Variants in SLC12A9 observed in about 807,000 individuals in gnomAD.
SLC12A9 encodes solute carrier family 12 member 9, also known as CCC-interacting protein 1.
Under a neutral mutation model 66.0 loss-of-function variants are expected in SLC12A9, and 55 were observed. The ratio of observed to expected loss-of-function variants is 0.83; its 90% CI spans 0.67 to 1.04. SLC12A9 has a LOEUF of 1.04. Ranked by LOEUF, SLC12A9 falls within the 50% of genes least tolerant of loss-of-function variation. The pLI, the probability that SLC12A9 is intolerant of heterozygous loss-of-function variation, is 0.00. For missense variants in SLC12A9, 1,061 were observed against 1,241.9 expected, an observed-to-expected ratio of 0.85 and a Z score of 2.19; for synonymous variants, 577 against 569.0, an observed-to-expected ratio of 1.01 and a Z score of -0.20.
intron 1 of SLC12A9, among the ~76,000 whole-genome samples, chr7:100,841,625 T>G (rs912735099): frequency 2.6e-5 from 4 of 152,122 alleles, no homozygotes; most frequent in Non-Finnish European, 5.9e-5. Flanking sequence ...AAAGAGTCTA[T>G]AAAATCTTAC....
rs567591395 is a variant in SLC12A9, at chr7:100,862,771, C to A, written c.1802C>A (p.Thr601Asn). ...RAQVKAFVDLTLSPSVRQGAQ... is the reference protein window; with the variant it reads ...RAQVKAFVDLNLSPSVRQGAQ... ...CAGGTGAAGGCTTTTGTGGATCTAA[C>A]CCTCTCACCCTCCGTGCGCCAGGGG... Residue 601 changes from threonine to asparagine, a missense_variant, in exon 13 of 14, where the codon ACC becomes AAC. Physicochemically the swap from Thr to Asn is moderately conservative, Grantham distance 65. Transcript: ENST00000354161. 14 of 1,614,078 alleles carry A rather than the reference C, an allele frequency of 8.7e-6. No homozygotes were observed. The highest frequency in any genetic ancestry group is 1.0e-5 in the Non-Finnish European group (12 of 1,180,042).
At chr7:100,849,166 A>T (rs1432498059), upstream of SLC12A9, among the ~76,000 whole-genome samples, 1 of 151,678 alleles carries the variant, frequency 6.6e-6, no homozygotes, top group East Asian at 2.0e-4. Flanking sequence ...ACCTCAAGTG[A>T]TCCTCCTGCT....
upstream of SLC12A9, among the ~76,000 whole-genome samples, chr7:100,848,859 C>G (rs1584686061): frequency 1.3e-5 from 2 of 151,690 alleles, no homozygotes; most frequent in East Asian, 1.9e-4. Context: ...GCACTCCAGC[C>G]TGGGTGACAG....
rs769207088 is a variant in SLC12A9, at chr7:100,861,719, C to T, written c.1537-18C>T. On this transcript the variant is annotated intron_variant, in intron 11 of 13. Transcript: ENST00000354161. The surrounding 1 kb of genome is among the most constrained non-coding windows in gnomAD (Gnocchi z 5.3). ...ATTTGATCCTGCCACTTCCCCACTG[C>T]CTCACCCCTATACCCAGGTGCGTAA... 35 of 1,613,966 alleles carry T rather than the reference C, an allele frequency of 2.2e-5. 1 individual carries two copies. In the South Asian group the frequency reaches 3.7e-4, roughly 17 times the overall value.
At chr7:100,832,837 A>G (rs764216028) in intron 1 of SLC12A9, among the ~76,000 whole-genome samples, 1 of 151,760 alleles carries the variant, frequency 6.6e-6, no homozygotes, top group Non-Finnish European at 1.5e-5. Flanking sequence ...GTGCAGTGGC[A>G]CGATCGAGGC....
Position 100,859,042 on chromosome 7 carries a change from C to A in SLC12A9, c.866-8C>A, listed in dbSNP as rs540146422. On this transcript the variant is annotated splice_region_variant and splice_polypyrimidine_tract_variant and intron_variant, in intron 6 of 13. Transcript: ENST00000354161. ...GCTGACCTCACTCCCTCTGCTCCCCCTCTCCAGGGGAGCTGAAGGACCCCA... is the reference window on the plus strand; with the variant it reads ...GCTGACCTCACTCCCTCTGCTCCCCATCTCCAGGGGAGCTGAAGGACCCCA... 7.4e-6 allele frequency: 12 copies of A among 1,612,272 alleles called. No individual in the cohort carries two copies. The East Asian group carries it at 1.1e-4, about 15-fold the overall frequency.
rs1815104632 is a variant in SLC12A9, at chr7:100,866,433, G to A, written c.2573G>A (p.Gly858Asp). The A allele has an allele frequency of 1.9e-6, 3 of 1,548,694 alleles. No individual in the cohort carries two copies. The highest frequency in any genetic ancestry group is 2.6e-6 in the Non-Finnish European group (3 of 1,146,232). ...GGAGGAGGGCCGGGTGGGCCGGAGG[G>A]TGGGGATGCTGAGGGCCCCATCACA... ...GTGGGPGGPE[G>D]GDAEGPITAL... The change falls in exon 14 of 14, where the codon GGT (glycine) becomes GAT (aspartate). Residue 858 changes from glycine to aspartate, a missense_variant. Transcript: ENST00000354161. The surrounding 1 kb of genome is among the most constrained non-coding windows in gnomAD (Gnocchi z 7.3).
intron 4 of SLC12A9, chr7:100,856,578 C>T (rs1814401046): frequency 2.7e-6 from 1 of 369,426 alleles, no homozygotes; most frequent in Non-Finnish European, 4.9e-6. Flanking sequence ...GCAGTGGTAC[C>T]ATCTCGGCTC....
chr7:100,834,829 C>G (rs572601922), intron 1 of SLC12A9, among the ~76,000 whole-genome samples: 6 of 152,264 alleles, frequency 3.9e-5, no homozygotes, highest in African/African-American at 1.4e-4. Flanking sequence ...GATTGCACCA[C>G]TGCATTCCAG....
chr7:100,847,292 G>A (rs1262174185), intron 1 of SLC12A9, among the ~76,000 whole-genome samples: 2 of 152,190 alleles, frequency 1.3e-5, no homozygotes, highest in African/African-American at 2.4e-5. Flanking sequence ...GAGCCACCGC[G>A]CCCAGCCGGG....
At chr7:100,836,724 T>C (rs1813667282) in intron 1 of SLC12A9, among the ~76,000 whole-genome samples, 1 of 152,054 alleles carries the variant, frequency 6.6e-6, no homozygotes, top group African/African-American at 2.4e-5. Context: ...CTCGCCTCTC[T>C]TCCCGAGAGT....
At chr7:100,848,674 C>G (rs972643915), upstream of SLC12A9, among the ~76,000 whole-genome samples, 4 of 151,914 alleles carry the variant, frequency 2.6e-5, no homozygotes, top group African/African-American at 4.8e-5. Context: ...ATCACGAGGT[C>G]AGGAGATCGA....
chr7:100,858,294 C>T (rs1814519983), intron 5 of SLC12A9: 1 of 152,386 alleles, frequency 6.6e-6, no homozygotes, highest in Non-Finnish European at 1.5e-5. Context: ...CACCTGTAAT[C>T]CCAGCTACCT....
At chr7:100,858,479 A>G (rs956093169) in intron 5 of SLC12A9, 3 of 194,278 alleles carry the variant, frequency 1.5e-5, no homozygotes, top group African/African-American at 2.3e-5. Context: ...AGTCCCAGCT[A>G]CTTGGCAGAC....
intron 1 of SLC12A9, among the ~76,000 whole-genome samples, chr7:100,831,769 C>T (rs1813548431): frequency 6.6e-6 from 1 of 152,184 alleles, no homozygotes; most frequent in South Asian, 2.1e-4. Flanking sequence ...CTTCTCATTA[C>T]TCTTTCCACA....
At chr7:100,862,961 G>C in intron 13 of SLC12A9, 134 bp downstream of exon 13, 1 of 1,086,138 alleles carries the variant, frequency 9.2e-7, no homozygotes, top group Non-Finnish European at 1.3e-6. Context: ...ATAAGACAGT[G>C]CTCAAAGATA....
chr7:100,829,184 C>T (rs1486810111), intron 1 of SLC12A9, among the ~76,000 whole-genome samples: 9 of 152,104 alleles, frequency 5.9e-5, no homozygotes, highest in African/African-American at 1.9e-4. Flanking sequence ...GACAGGGTTT[C>T]GCCATGTTGG....
Position 100,855,781 on chromosome 7 carries a change from G to A in SLC12A9, c.392G>A (p.Gly131Asp). Residue 131 changes from glycine (G) to aspartate (D), a missense_variant, in exon 4 of 14, where the codon GGC becomes GAC. Coordinates refer to ENST00000354161, the MANE Select transcript of SLC12A9 (RefSeq NM_020246.4). ...ATGTTCTACCTGGCTAACGTCTGTG[G>A]CTGTGCCGTCTCCCTCCTGGGGCTG... ...GLMFYLANVC[G>D]CAVSLLGLVE... is the part of the protein sequence containing the mutation. The A allele has an allele frequency of 6.2e-7, 1 of 1,614,044 alleles. No homozygotes were observed. Among genetic ancestry groups the A allele is most frequent in the Non-Finnish European group, 8.5e-7 (1 of 1,179,936 alleles).
chr7:100,857,506 T>C (rs1486793407), intron 5 of SLC12A9: 3 of 276,372 alleles, frequency 1.1e-5, no homozygotes, highest in African/African-American at 4.3e-5. Flanking sequence ...AAGGGAGGCC[T>C]GACTATGGGC....
Sources: gnomAD v4.1 joint callset for allele counts (sites outside exome capture counted in the v4.1 genomes callset) on GRCh38, gnomAD v4.1.1 for gene constraint, Gnocchi (gnomAD v3.1) non-coding constraint, MANE v1.5 for transcripts, NCBI Gene and HGNC (gene_info 2026-07-23, HGNC 2026-07-21) for gene names.